CEP43: variants seen among roughly 807,000 people sequenced by gnomAD.
CEP43 encodes the protein centrosomal protein 43, also known as FGFR1 oncogene partner.
In CEP43, 36 loss-of-function variants were observed where a neutral mutation model predicts 52.6. The ratio of observed to expected loss-of-function variants is 0.68; its 90% CI spans 0.52 to 0.90. CEP43 has a LOEUF of 0.90. Among genes scored for constraint, CEP43 ranks in the 40% least tolerant of loss-of-function variants. The pLI is 0.00. For missense variants in CEP43, 506 were observed against 472.8 expected (o/e 1.07, Z -0.65); for synonymous variants, 192 against 172.4 (o/e 1.11, Z -0.89).
At chr6:167,018,548 A>G (rs9459842) in intron 7 of CEP43, among the ~76,000 whole-genome samples, 64,546 of 151,742 alleles carry the variant, frequency 0.43, 13,917 homozygotes, top group Non-Finnish European at 0.47. Flanking sequence ...GTGCCACCAC[A>G]CCCAGCTAAT....
chr6:167,022,261 C>T (rs1274487716), intron 7 of CEP43, 148 bp from the exon 8 acceptor site: 1 of 197,418 alleles, frequency 5.1e-6, no homozygotes, highest in East Asian at 9.9e-5. Context: ...GCTGCCCCAA[C>T]ACACACACAC....
At chr6:167,030,549 A>T (rs901231119) in intron 10 of CEP43, among the ~76,000 whole-genome samples, 5 of 152,078 alleles carry the variant, frequency 3.3e-5, no homozygotes, top group African/African-American at 1.2e-4. Context: ...ATGATCAGGG[A>T]TTTCCAGTTC....
intron 7 of CEP43, among the ~76,000 whole-genome samples, chr6:167,021,443 G>C (rs1419314295): frequency 1.3e-5 from 2 of 152,178 alleles, no homozygotes; most frequent in Non-Finnish European, 2.9e-5. Flanking sequence ...TCAAGATTCA[G>C]TGAGATAAGG....
At chr6:167,025,179 T>A (rs548073256) in intron 9 of CEP43, 77 of 213,686 alleles carry the variant, frequency 3.6e-4, no homozygotes, top group Middle Eastern at 3.0e-3. Context: ...AGAAATAAAA[T>A]TTTTAAATCA....
At chr6:167,037,315 G>T (rs1250168939) in intron 12 of CEP43, among the ~76,000 whole-genome samples, 1 of 152,016 alleles carries the variant, frequency 6.6e-6, no homozygotes, top group Non-Finnish European at 1.5e-5. Context: ...GATTTTTCCT[G>T]TATTCACTCT....
chr6:167,041,003 T>A lies in CEP43; in HGVS notation c.*1025T>A, dbSNP rs1780683308. 9.7e-7 allele frequency: 1 copy of A among 1,026,524 alleles called. No individual in the cohort carries two copies. Among genetic ancestry groups the A allele is most frequent in the African/African-American group, 1.7e-5 (1 of 59,068 alleles). 63.6% of individuals were successfully genotyped at this position (1,026,524 alleles called of 1,614,324 possible). ...GGATGTTTATAATACTAAAGTATTT[T>A]AAAATGTGCAAGTAGAAAAAACAGT... On this transcript the variant is annotated 3_prime_UTR_variant, in exon 13 of 13. Coordinates refer to ENST00000366847, the MANE Select transcript of CEP43 (RefSeq NM_007045.4).
At position 167,041,232 on chromosome 6, in the gene CEP43, A is replaced by G; in HGVS notation, c.*1254A>G. 3.8e-6 allele frequency: 4 copies of G among 1,047,622 alleles called. No individual in the cohort carries two copies. Among genetic ancestry groups the G allele is most frequent in the Non-Finnish European group, 3.5e-6 (3 of 868,328 alleles). 64.9% of individuals were successfully genotyped at this position (1,047,622 alleles called of 1,614,324 possible). ...CCAGTTTCTCATTTCATATTAGCCT[A>G]AATATTACAGAAATTACTCCTTGGG... On this transcript the variant is annotated 3_prime_UTR_variant, in exon 13 of 13. Transcript: ENST00000366847.
chr6:167,009,511 A>G (rs1052413875), intron 5 of CEP43, among the ~76,000 whole-genome samples: 1 of 148,754 alleles, frequency 6.7e-6, no homozygotes, highest in African/African-American at 2.5e-5. Flanking sequence ...AAAAAAAAAA[A>G]AAAAAAAAAA....
At chr6:167,005,687 T>C (rs1779835917) in intron 5 of CEP43, among the ~76,000 whole-genome samples, 1 of 152,196 alleles carries the variant, frequency 6.6e-6, no homozygotes. Flanking sequence ...CAAGCTTTTA[T>C]TGTGCGCTTA....
At chr6:167,003,042 C>T (rs1779772411) in intron 2 of CEP43, 151 bp from the exon 3 acceptor site, 2 of 410,304 alleles carry the variant, frequency 4.9e-6, no homozygotes, top group East Asian at 7.4e-5. Context: ...TGAGAAATTA[C>T]TAAATAGCAC....
In CEP43 at chr6:167,024,975, T is replaced by A; in HGVS notation, c.919+81T>A. The A allele has an allele frequency of 5.0e-6, 4 of 794,554 alleles. No homozygotes were observed. In the South Asian group the frequency reaches 6.4e-5, roughly 13 times the overall value. 49.2% of individuals were successfully genotyped at this position (794,554 alleles called of 1,614,324 possible). On this transcript the variant is annotated intron_variant, in intron 9 of 12. Transcript: ENST00000366847. ...TACTATGTGATTATTGTTGATTTTT[T>A]TTCCCAGGAAAATCACTAAAATAAC...
Position 167,004,383 on chromosome 6 carries a change from A to G in CEP43, c.420A>G (p.Lys140=), listed in dbSNP as rs2128657515. ...EVIRRCQQKE[K]GPTTGEGALD... ...TCAGGCGCTGTCAACAGAAAGAAAA[A>G]GGGCCAACCACTGGGGAAGTAAGTA... Residue 140 remains lysine, a synonymous_variant, in exon 5 of 13, where the codon AAA becomes AAG. Coordinates refer to ENST00000366847, the MANE Select transcript of CEP43 (RefSeq NM_007045.4). 2 of 1,591,756 alleles carry G rather than the reference A, an allele frequency of 1.3e-6. No individual in the cohort carries two copies. The highest frequency in any genetic ancestry group is 1.4e-5 in the African/African-American group (1 of 74,024).
At chr6:167,003,349 A>G in intron 3 of CEP43, 102 bp downstream of exon 3, 3 of 622,032 alleles carry the variant, frequency 4.8e-6, no homozygotes, top group Non-Finnish European at 8.4e-6. Context: ...TTTGTCTTCA[A>G]TTGTTATAGG....
chr6:167,032,554 A>T lies in CEP43; in HGVS notation c.989-49A>T, dbSNP rs771164858. The stretch of plus-strand genomic sequence containing the variant: ...AGGAAATGTGTGTTTAATGGTAGGT[A>T]AATTGTGACGCACATTAGATATAAC... On this transcript the variant is annotated intron_variant, in intron 10 of 12. Transcript: ENST00000366847. 1.4e-5 allele frequency: 21 copies of T among 1,484,320 alleles called. 1 individual carries two copies. The South Asian group carries it at 2.2e-4, about 15-fold the overall frequency. The allele number at this position is 1,484,320 out of a possible 1,614,324, so 91.9% of individuals were successfully genotyped here.
At chr6:167,005,458 A>G (rs1223607872) in intron 5 of CEP43, among the ~76,000 whole-genome samples, 1 of 152,210 alleles carries the variant, frequency 6.6e-6, no homozygotes, top group Non-Finnish European at 1.5e-5. Flanking sequence ...ACATGCCAAA[A>G]TTTTATTGAA....
At position 167,043,116 on chromosome 6, in the gene CEP43, C is replaced by T. The variant is rs1195369323; in HGVS notation, c.*3138C>T. 6.5e-6 allele frequency: 1 copy of T among 152,978 alleles called. No homozygotes were observed. Among genetic ancestry groups the T allele is most frequent in the Non-Finnish European group, 1.5e-5 (1 of 68,778 alleles). 9.5% of individuals were successfully genotyped at this position (152,978 alleles called of 1,614,324 possible). A position where few individuals can be genotyped will look rare whatever the true frequency, so the allele number is the denominator to read the frequency against. Reference sequence around the variant, plus strand: ...AGAAGGCCGTCCTGTGAATTTGCCCCACCCACCAAGCTCAGCTGGAGCAGG... The same window carrying T: ...AGAAGGCCGTCCTGTGAATTTGCCCTACCCACCAAGCTCAGCTGGAGCAGG... On this transcript the variant is annotated 3_prime_UTR_variant, in exon 13 of 13. Transcript: ENST00000366847.
Position 167,022,457 on chromosome 6 carries a change from G to A in CEP43, c.628G>A (p.Glu210Lys), listed in dbSNP as rs141546346. The A allele has an allele frequency of 4.4e-5, 71 of 1,613,990 alleles. No individual in the cohort carries two copies. The highest frequency in any genetic ancestry group is 5.8e-5 in the Non-Finnish European group (69 of 1,180,020). ...GAGTGATACAAGTGTCTCCTTGTCA[G>A]AACCCAAGAGCAAAAGCAGCCTTCA... ...NQSDTSVSLS[E>K]PKSKSSLHLL... is the part of the protein sequence containing the mutation. The change falls in exon 8 of 13, where the codon GAA becomes AAA. Residue 210 changes from glutamate (E) to lysine (K), a missense_variant. Transcript: ENST00000366847.
chr6:167,010,751 G>A, intron 5 of CEP43, 62 bp from the exon 6 acceptor site: 2 of 745,016 alleles, frequency 2.7e-6, no homozygotes, highest in Non-Finnish European at 4.2e-6. Context: ...CTATTGGAGT[G>A]TAATTGGTAT....
In CEP43 at chr6:167,051,040, A is replaced by G. The variant is rs1469705448; in HGVS notation, c.*11062A>G. On this transcript the variant is annotated 3_prime_UTR_variant, in exon 13 of 13. Transcript: ENST00000366847. Reference sequence around the variant, plus strand: ...TGGGCAGGGGTTTGTGTACTAAGAAACTAAATGTTTCTTGTGTACTAAGTC... The same window carrying G: ...TGGGCAGGGGTTTGTGTACTAAGAAGCTAAATGTTTCTTGTGTACTAAGTC... The G allele has an allele frequency of 2.0e-5, 3 of 151,960 alleles. No homozygotes were observed. The highest frequency in any genetic ancestry group is 1.5e-5 in the Non-Finnish European group (1 of 67,960). 9.4% of individuals were successfully genotyped at this position (151,960 alleles called of 1,614,324 possible).
Sources: allele counts gnomAD v4.1 joint callset (sites outside exome capture counted in the v4.1 genomes callset), GRCh38; gene constraint gnomAD v4.1.1; transcripts MANE v1.5; gene names NCBI Gene and HGNC (gene_info 2026-07-23, HGNC 2026-07-21).